The following PTPN13 variants were observed in gnomAD, a reference collection of about 807,000 sequenced individuals.
PTPN13 encodes the protein tyrosine-protein phosphatase non-receptor type 13.
A neutral mutation model predicts 284.0 loss-of-function variants in PTPN13; 191 were observed. The ratio of observed to expected loss-of-function variants is 0.67; its 90% confidence interval spans 0.60 to 0.76. The LOEUF (loss-of-function observed/expected upper bound fraction) is 0.76. Ranked by LOEUF, PTPN13 falls within the 30% of genes least tolerant of loss-of-function variation. The pLI, the probability that PTPN13 is intolerant of heterozygous loss-of-function variation, is 0.00. For synonymous variants in PTPN13, 986 were observed against 1,022.3 expected (o/e 0.96, Z 0.68); for missense variants, 2,797 against 2,939.9 (o/e 0.95, Z 1.12).
At chr4:86,772,704 C>A in intron 31 of PTPN13, 74 bp from the exon 32 acceptor site, 1 of 1,234,608 alleles carries the variant, frequency 8.1e-7, no homozygotes, top group South Asian at 1.7e-5. Flanking sequence ...TAAGTGTTTT[C>A]TGTTTCTGGC....
At chr4:86,715,518 G>C (rs1313505006) in intron 7 of PTPN13, among the ~76,000 whole-genome samples, 1 of 152,128 alleles carries the variant, frequency 6.6e-6, no homozygotes, top group Non-Finnish European at 1.5e-5. Context: ...CTTGAACCCA[G>C]GAGTCCAGCA....
Position 86,784,558 on chromosome 4 carries a change from G to T in PTPN13, c.6118G>T (p.Glu2040Ter). The T allele has an allele frequency of 6.3e-7, 1 of 1,596,082 alleles. No individual in the cohort carries two copies. The highest frequency in any genetic ancestry group is 2.3e-5 in the East Asian group (1 of 44,242). ...ATCACCAAACTTGACTCTGCCCAAA[G>T]GTAGTTTTCCAAATCAGTCATCTAA... ...KGSPNLTLPK[E>*]SYIQEDDIYD... The change falls in exon 38 of 48, where the codon GAA becomes TAA. Residue 2040 changes from glutamate to a stop codon, truncating the protein, a stop_gained and splice_region_variant. Coordinates refer to ENST00000411767, the MANE Select transcript of PTPN13 (RefSeq NM_080683.3). LOFTEE classifies it high-confidence loss of function.
chr4:86,761,818 T>C (rs1738730641), intron 23 of PTPN13, among the ~76,000 whole-genome samples: 1 of 152,224 alleles, frequency 6.6e-6, no homozygotes, highest in African/African-American at 2.4e-5. Context: ...TTGTTTGTTG[T>C]CACAAATATT....
chr4:86,628,523 C>G (rs1245728364), intron 1 of PTPN13, among the ~76,000 whole-genome samples: 3 of 122,156 alleles, frequency 2.5e-5, no homozygotes, highest in African/African-American at 9.6e-5. Flanking sequence ...TTATTATACT[C>G]TAAGTTTTAG....
At position 86,728,764 on chromosome 4, in the gene PTPN13, C is replaced by T. The variant is rs1362324380; in HGVS notation, c.1609-3636C>T. 2.2e-5 allele frequency among the ~76,000 whole-genome samples: 3 copies of T among 138,992 alleles called. 1 individual carries two copies. The highest frequency in any genetic ancestry group is 7.7e-5 in the African/African-American group (3 of 38,754). 91.2% of individuals were successfully genotyped at this position (138,992 alleles called of 152,430 possible). A position where few individuals can be genotyped will look rare whatever the true frequency, so the allele number is the denominator to read the frequency against. On this transcript the variant is annotated intron_variant, in intron 10 of 47. Coordinates refer to ENST00000411767, the MANE Select transcript of PTPN13 (RefSeq NM_080683.3). Reference sequence around the variant, plus strand: ...GCACGTGAGATGGGTCTCCTGAATACAGCACACTGATGAGTCTTGACTCTT... The same window carrying T: ...GCACGTGAGATGGGTCTCCTGAATATAGCACACTGATGAGTCTTGACTCTT...
intron 42 of PTPN13, among the ~76,000 whole-genome samples, chr4:86,800,887 T>C (rs577831718): frequency 6.6e-6 from 1 of 152,336 alleles, no homozygotes; most frequent in African/African-American, 2.4e-5. Flanking sequence ...GTAAAAGTTA[T>C]TTCATATGAG....
chr4:86,611,203 A>G lies in PTPN13; in HGVS notation c.-6+16414A>G, dbSNP rs556793209. ...CTTGTACAAACTCTGTAGAAAGTCA[A>G]TCACTTTGTGATTTATTTACCTGCA... On this transcript the variant is annotated intron_variant, in intron 1 of 47. Coordinates refer to ENST00000411767, the MANE Select transcript of PTPN13 (RefSeq NM_080683.3). 2.2e-4 allele frequency among the ~76,000 whole-genome samples: 33 copies of G among 152,362 alleles called. No homozygotes were observed. In the South Asian group the frequency reaches 6.4e-3, roughly 30 times the overall value.
At chr4:86,713,348 T>C (rs1029091346) in intron 7 of PTPN13, among the ~76,000 whole-genome samples, 1 of 152,142 alleles carries the variant, frequency 6.6e-6, no homozygotes, top group Non-Finnish European at 1.5e-5. Context: ...AAAATGGCAG[T>C]TCCTCTTAAG....
intron 40 of PTPN13, among the ~76,000 whole-genome samples, chr4:86,791,289 G>C (rs554291267): frequency 1.3e-5 from 2 of 152,252 alleles, no homozygotes; most frequent in Admixed American, 6.5e-5. Flanking sequence ...CTTGACCAGT[G>C]GGGGGCATCC....
intron 2 of PTPN13, among the ~76,000 whole-genome samples, chr4:86,648,418 T>C (rs1724687165): frequency 6.6e-6 from 1 of 152,136 alleles, no homozygotes; most frequent in Non-Finnish European, 1.5e-5. Flanking sequence ...CATTCTACTC[T>C]CTATTTCCAT....
chr4:86,799,703 G>T (rs1355002200), intron 42 of PTPN13, among the ~76,000 whole-genome samples: 1 of 151,528 alleles, frequency 6.6e-6, no homozygotes, highest in Non-Finnish European at 1.5e-5. Context: ...CCAGATATTT[G>T]CACAGTTATA....
chr4:86,622,932 T>G (rs1002492953), intron 1 of PTPN13, among the ~76,000 whole-genome samples: 14 of 152,282 alleles, frequency 9.2e-5, no homozygotes, highest in African/African-American at 3.4e-4. Context: ...CCAAACCAAC[T>G]CCTTTCACAG....
chr4:86,684,664 T>TAGTCA (rs1225519500), intron 3 of PTPN13, among the ~76,000 whole-genome samples: 6 of 152,138 alleles, frequency 3.9e-5, no homozygotes, highest in African/African-American at 1.2e-4. Flanking sequence ...TACATATATC[T>TAGTCA]GACTAATTTC....
At chr4:86,809,646 G>A in intron 45 of PTPN13, 123 bp from the exon 46 acceptor site, 2 of 826,754 alleles carry the variant, frequency 2.4e-6, no homozygotes, top group South Asian at 1.7e-5. Context: ...AGCCGAGATT[G>A]CACCACTGCA....
chr4:86,686,876 T>C, intron 4 of PTPN13, 101 bp downstream of exon 4: 1 of 797,892 alleles, frequency 1.3e-6, no homozygotes, highest in Non-Finnish European at 2.0e-6. Flanking sequence ...TACAGCATGC[T>C]GTCAGGTGTA....
intron 33 of PTPN13, 105 bp downstream of exon 33, chr4:86,774,636 A>T (rs1487743857): frequency 9.4e-7 from 1 of 1,059,300 alleles, no homozygotes; most frequent in Non-Finnish European, 1.2e-6. Flanking sequence ...TATTCGGTTT[A>T]TGCTTTCTGT....
intron 26 of PTPN13, 136 bp from the exon 27 acceptor site, chr4:86,766,296 T>TA: frequency 1.6e-6 from 1 of 632,732 alleles, no homozygotes; most frequent in South Asian, 1.9e-5. Flanking sequence ...AATAACATAT[T>TA]AAAGAAACTC....
intron 6 of PTPN13, among the ~76,000 whole-genome samples, chr4:86,700,402 T>A (rs1425415187): frequency 6.6e-6 from 1 of 152,130 alleles, no homozygotes; most frequent in Non-Finnish European, 1.5e-5. Flanking sequence ...TTTTGTTGAA[T>A]CTATGGATTC....
intron 9 of PTPN13, among the ~76,000 whole-genome samples, chr4:86,719,629 A>T (rs1733420456): frequency 6.6e-6 from 1 of 152,192 alleles, no homozygotes; most frequent in Non-Finnish European, 1.5e-5. Context: ...CAACCTCGTC[A>T]GCATCTGTAA....
Sources: allele counts gnomAD v4.1 joint callset (sites outside exome capture counted in the v4.1 genomes callset), GRCh38; gene constraint gnomAD v4.1.1; transcripts MANE v1.5; gene names NCBI Gene and HGNC (gene_info 2026-07-23, HGNC 2026-07-21).